ITGB5: variants seen among roughly 807,000 people sequenced by gnomAD.
ITGB5 encodes the protein integrin subunit beta 5, also known as integrin beta-5.
Under a neutral mutation model 84.8 loss-of-function variants are expected in ITGB5, and 38 were observed. The observed-to-expected ratio is 0.45, with a 90% CI of 0.35 to 0.59. The LOEUF is 0.59. Among genes scored for constraint, ITGB5 ranks in the 20% least tolerant of loss-of-function variants. The pLI is 0.01. For synonymous variants in ITGB5, 393 were observed against 414.4 expected (o/e 0.95, Z 0.63); for missense variants, 905 against 1,034.5 (o/e 0.87, Z 1.72).
At chr3:124,802,304 G>GCACT (rs2064327881) in intron 9 of ITGB5, among the ~76,000 whole-genome samples, 1 of 152,206 alleles carries the variant, frequency 6.6e-6, no homozygotes, top group Admixed American at 6.5e-5. Context: ...CACGTCCAGA[G>GCACT]GGAAATACTC....
chr3:124,809,540 C>T (rs548437977), intron 8 of ITGB5: 1 of 180,652 alleles, frequency 5.5e-6, no homozygotes, highest in East Asian at 1.4e-4. Flanking sequence ...AGGCTTTGAG[C>T]CTTTCCATGT....
chr3:124,883,796 G>A (rs760406318), intron 1 of ITGB5, among the ~76,000 whole-genome samples: 23 of 152,180 alleles, frequency 1.5e-4, no homozygotes, highest in Non-Finnish European at 2.5e-4. Context: ...CAAAGGCAGC[G>A]TGGAAAAGCC....
rs143076347 is a variant in ITGB5 at position 124,866,238 on chromosome 3, C to T, written c.157-6792G>A. Among the ~76,000 whole-genome samples, 1,393 of 152,200 alleles carry T rather than the reference C, an allele frequency of 9.2e-3. 30 individuals carry two copies. Among genetic ancestry groups the T allele is most frequent in the African/African-American group, 0.031 (1,296 of 41,496 alleles). On this transcript the variant is annotated intron_variant, in intron 2 of 14. Transcript: ENST00000296181. Reference sequence around the variant, plus strand: ...GTTCAAGTGATCCACCCGCTTCAGCCTCCCAAAGTGCTGGGATTACAGGCA... The same window carrying T: ...GTTCAAGTGATCCACCCGCTTCAGCTTCCCAAAGTGCTGGGATTACAGGCA...
intron 12 of ITGB5, among the ~76,000 whole-genome samples, chr3:124,766,845 T>C (rs1356025763): frequency 3.9e-5 from 6 of 152,172 alleles, no homozygotes; most frequent in Non-Finnish European, 4.4e-5. Flanking sequence ...CACAGGGCAG[T>C]GAGGACACTG....
At chr3:124,882,220 T>G (rs1559986331) in intron 1 of ITGB5, among the ~76,000 whole-genome samples, 1 of 152,218 alleles carries the variant, frequency 6.6e-6, no homozygotes, top group East Asian at 1.9e-4. Context: ...CAAGACTCCC[T>G]TATTCACGGA....
At chr3:124,800,895 T>C (rs2064305053) in intron 9 of ITGB5, among the ~76,000 whole-genome samples, 1 of 152,198 alleles carries the variant, frequency 6.6e-6, no homozygotes, top group Non-Finnish European at 1.5e-5. Flanking sequence ...GCTCTGAGAT[T>C]CCAGAGGAAG....
intron 4 of ITGB5, among the ~76,000 whole-genome samples, chr3:124,842,356 G>A (rs904002603): frequency 1.3e-4 from 20 of 152,198 alleles, no homozygotes; most frequent in African/African-American, 4.8e-4. Context: ...ATTCCTGAAG[G>A]GAGTTACTTT....
chr3:124,816,686 G>T (rs2064600942), intron 8 of ITGB5, among the ~76,000 whole-genome samples: 1 of 152,104 alleles, frequency 6.6e-6, no homozygotes, highest in South Asian at 2.1e-4. Flanking sequence ...AAGTACTTTT[G>T]GGGTGTTATG....
Position 124,763,703 on chromosome 3 carries a change from A to G in ITGB5, c.2320T>C (p.Tyr774His), listed in dbSNP as rs746214722. ...ARYEMASNPL[Y>H]RKPISTHTVD... ...GTGTGCGTGGAGATAGGCTTTCTGT[A>G]TAATGGATTTGAAGCCTACAGAACA... The change falls in exon 15 of 15, where the codon TAC becomes CAC. Residue 774 changes from tyrosine to histidine, a missense_variant. By Grantham distance (83) the Tyr-to-His change is moderately conservative (BLOSUM62 2). Transcript: ENST00000296181. 3 of 1,605,888 alleles carry G rather than the reference A, an allele frequency of 1.9e-6. No homozygotes were observed. The highest frequency in any genetic ancestry group is 4.5e-5 in the East Asian group (2 of 44,862).
chr3:124,859,148 T>G, intron 3 of ITGB5, 94 bp downstream of exon 3: 1 of 1,218,656 alleles, frequency 8.2e-7, no homozygotes, highest in Non-Finnish European at 1.2e-6. Flanking sequence ...GATCTCAGCC[T>G]GGCCTGACTC....
chr3:124,852,158 C>T (rs1242765218), intron 3 of ITGB5, among the ~76,000 whole-genome samples: 2 of 152,118 alleles, frequency 1.3e-5, no homozygotes, highest in Admixed American at 6.5e-5. Context: ...GTGGGAAGCG[C>T]TTCTCGCCTT....
Position 124,821,330 on chromosome 3 carries a change from T to A in ITGB5, c.925A>T (p.Thr309Ser), listed in dbSNP as rs2064700253. ...QCHLNEANEY[T>S]ASNQMDYPSL... ...GCACTCACCATCTGGTTGGATGCAG[T>A]GTACTCGTTGGCCTCGTTCAGGTGG... The change falls in exon 6 of 15, where the codon ACT becomes TCT. Residue 309 changes from threonine (T) to serine (S), a missense_variant. Around this residue, in one of 3 missense-constraint regions of ITGB5, gnomAD observed 656 missense variants for 734.7 expected, o/e 0.89. Coordinates refer to ENST00000296181, the MANE Select transcript of ITGB5 (RefSeq NM_002213.5). 6.2e-7 allele frequency: 1 copy of A among 1,613,568 alleles called. No homozygotes were observed. The highest frequency in any genetic ancestry group is 1.1e-5 in the South Asian group (1 of 90,974).
chr3:124,896,158 T>C (rs1420399789), intron 1 of ITGB5, among the ~76,000 whole-genome samples: 2 of 152,214 alleles, frequency 1.3e-5, no homozygotes, highest in Non-Finnish European at 2.9e-5. Flanking sequence ...ACTCTAAAAA[T>C]GATCACCTTT....
intron 8 of ITGB5, among the ~76,000 whole-genome samples, chr3:124,814,721 C>T (rs1022232312): frequency 1.3e-5 from 2 of 152,194 alleles, no homozygotes; most frequent in Non-Finnish European, 2.9e-5. Flanking sequence ...ACCGGAATTA[C>T]AGGTGTGAGC....
chr3:124,889,965 T>C (rs567654672), upstream of ITGB5, among the ~76,000 whole-genome samples: 1 of 152,058 alleles, frequency 6.6e-6, no homozygotes, highest in South Asian at 2.1e-4. Flanking sequence ...TGAGCCAAGA[T>C]AGCGCCACTG....
intron 2 of ITGB5, among the ~76,000 whole-genome samples, chr3:124,869,733 G>A (rs1470608028): frequency 6.6e-6 from 1 of 152,234 alleles, no homozygotes; most frequent in Non-Finnish European, 1.5e-5. Flanking sequence ...TGAGGCTCCT[G>A]ATGAGCAGAG....
At chr3:124,820,118 CTG>C (rs2064677795) in intron 6 of ITGB5, among the ~76,000 whole-genome samples, 1 of 152,140 alleles carries the variant, frequency 6.6e-6, no homozygotes, top group Non-Finnish European at 1.5e-5. Context: ...CATATCTTGT[CTG>C]TGTCTCCATC....
intron 1 of ITGB5, among the ~76,000 whole-genome samples, chr3:124,875,014 T>C (rs1192936442): frequency 6.6e-6 from 1 of 152,122 alleles, no homozygotes; most frequent in Non-Finnish European, 1.5e-5. Context: ...TGGAATTCTA[T>C]CAAACTAAAA....
At chr3:124,877,973 G>T (rs543659781) in intron 1 of ITGB5, among the ~76,000 whole-genome samples, 18 of 152,132 alleles carry the variant, frequency 1.2e-4, no homozygotes, top group Non-Finnish European at 2.5e-4. Context: ...CTCCTGAATA[G>T]CTGAGATTAC....
Sources: gnomAD v4.1 joint callset for allele counts (sites outside exome capture counted in the v4.1 genomes callset) on GRCh38, gnomAD v4.1.1 for gene constraint, gnomAD v4.1.1 regional missense constraint, MANE v1.5 for transcripts, NCBI Gene and HGNC (gene_info 2026-07-23, HGNC 2026-07-21) for gene names.